Variants in PHACTR2 observed in about 807,000 individuals in gnomAD.
PHACTR2 encodes the protein phosphatase and actin regulator 2.
A neutral mutation model predicts 76.0 loss-of-function variants in PHACTR2; 30 were observed. The ratio of observed to expected loss-of-function variants is 0.39; its 90% CI spans 0.30 to 0.54. The LOEUF is 0.54. PHACTR2 is among the 20% of genes least tolerant of loss of function. The pLI is 0.61. For missense variants in PHACTR2, 696 were observed against 781.1 expected (o/e 0.89, Z 1.30); for synonymous variants, 292 against 292.5 (o/e 1.00, Z 0.02).
rs1196365960 is a variant in PHACTR2, at chr6:143,806,570, G to A, written c.1846-487G>A. Reference sequence around the variant, plus strand: ...TCAAGGATGAGTTTAGCAAAGGCCCGCTCCCACTCCCTCTTGCCAATGGCA... The same window carrying A: ...TCAAGGATGAGTTTAGCAAAGGCCCACTCCCACTCCCTCTTGCCAATGGCA... On this transcript the variant is annotated intron_variant, in intron 11 of 12. Coordinates refer to ENST00000440869, the MANE Select transcript of PHACTR2 (RefSeq NM_001100164.2). This position sits in a 1 kb window ranked among gnomAD's most constrained non-coding sequence, Gnocchi z 5.8. Among the ~76,000 whole-genome samples, 1 of 152,162 alleles carries A rather than the reference G, an allele frequency of 6.6e-6. No individual in the cohort carries two copies. The highest frequency in any genetic ancestry group is 1.5e-5 in the Non-Finnish European group (1 of 68,028).
intron 2 of PHACTR2, among the ~76,000 whole-genome samples, chr6:143,729,017 T>C (rs1778639975): frequency 6.6e-6 from 1 of 152,182 alleles, no homozygotes; most frequent in Non-Finnish European, 1.5e-5. Flanking sequence ...AAAAAGTTTC[T>C]GCTCAGCAAA....
intron 12 of PHACTR2, among the ~76,000 whole-genome samples, chr6:143,812,657 C>T (rs1776203991): frequency 6.6e-6 from 1 of 152,230 alleles, no homozygotes; most frequent in Non-Finnish European, 1.5e-5. Context: ...AAGAAGTCAT[C>T]CCGTGGCCCT....
chr6:143,716,970 A>C (rs1353011769), intron 2 of PHACTR2, among the ~76,000 whole-genome samples: 1 of 152,170 alleles, frequency 6.6e-6, no homozygotes, highest in Admixed American at 6.5e-5. Context: ...ATCAGGAAAC[A>C]TTCCTCAGAT....
rs756134042 is a variant in PHACTR2, at chr6:143,811,244, G to A, written c.1922+4111G>A. ...GAAATTCTCTTTTAATATACACATC[G>A]GTCAATTTCTGGATTGCTTATTATG... is the stretch of plus-strand genomic sequence containing the variant. On this transcript the variant is annotated intron_variant, in intron 12 of 12. Transcript: ENST00000440869. The surrounding 1 kb of genome is among the most constrained non-coding windows in gnomAD (Gnocchi z 4.1). 4.6e-5 allele frequency among the ~76,000 whole-genome samples: 7 copies of A among 151,980 alleles called. No individual in the cohort carries two copies. Among genetic ancestry groups the A allele is most frequent in the African/African-American group, 7.3e-5 (3 of 41,376 alleles).
chr6:143,694,507 A>G (rs1582779660), intron 1 of PHACTR2, among the ~76,000 whole-genome samples: 1 of 152,142 alleles, frequency 6.6e-6, no homozygotes, highest in Admixed American at 6.6e-5. Flanking sequence ...CTGTATTTGG[A>G]GAAATGTTTT....
At position 143,671,252 on chromosome 6, in the gene PHACTR2, C is replaced by T; in HGVS notation, c.14-40764C>T. Among the ~76,000 whole-genome samples the T allele has an allele frequency of 6.6e-6, 1 of 152,076 alleles. No homozygotes were observed. ...GGCCCAAAGTCTTTATAGTTAACTG[C>T]AAGGTCCTATGTGGTTATAATCTCC... On this transcript the variant is annotated intron_variant, in intron 1 of 11. Transcript: ENST00000305766. This position sits in a 1 kb window ranked among gnomAD's most constrained non-coding sequence, Gnocchi z 4.6.
intron 1 of PHACTR2, 78 bp from the exon 2 acceptor site, chr6:143,711,938 C>A: frequency 7.9e-7 from 1 of 1,259,820 alleles, no homozygotes; most frequent in Non-Finnish European, 1.2e-6. Context: ...CCGTTAACAG[C>A]CCAGGGACCA....
chr6:143,741,045 C>G (rs1466515885), intron 2 of PHACTR2, among the ~76,000 whole-genome samples: 1 of 152,194 alleles, frequency 6.6e-6, no homozygotes, highest in Non-Finnish European at 1.5e-5. Context: ...GTCAGGAGTT[C>G]GAGACCAGCC....
chr6:143,646,967 C>G lies in PHACTR2; in HGVS notation c.13+38645C>G, dbSNP rs1416166992. Among the ~76,000 whole-genome samples the G allele has an allele frequency of 1.3e-5, 2 of 152,208 alleles. No individual in the cohort carries two copies. Among genetic ancestry groups the G allele is most frequent in the Admixed American group, 1.3e-4 (2 of 15,276 alleles). Reference sequence around the variant, plus strand: ...TTTCTTAAGTGCCCAGTGAGGTAAGCCTTGCTTCTAAAGAATTTTAAAATG... The same window carrying G: ...TTTCTTAAGTGCCCAGTGAGGTAAGGCTTGCTTCTAAAGAATTTTAAAATG... On this transcript the variant is annotated intron_variant, in intron 1 of 11. Coordinates refer to the PHACTR2 transcript ENST00000305766. The surrounding 1 kb of genome is among the most constrained non-coding windows in gnomAD (Gnocchi z 4.1).
rs528544566 is a variant in PHACTR2, at chr6:143,689,723, C to G, written c.46+11514C>G. ...TTTTTTTTTTTTTGAGATGGAGTGT[C>G]GCTCTGTTGCCCAGGCTGGAGTGCA... On this transcript the variant is annotated intron_variant, in intron 1 of 12. Coordinates refer to ENST00000440869, the MANE Select transcript of PHACTR2 (RefSeq NM_001100164.2). The surrounding 1 kb of genome is among the most constrained non-coding windows in gnomAD (Gnocchi z 4.4). Among the ~76,000 whole-genome samples, 4 of 141,592 alleles carry G rather than the reference C, an allele frequency of 2.8e-5. No individual in the cohort carries two copies. Among genetic ancestry groups the G allele is most frequent in the Admixed American group, 1.4e-4 (2 of 13,834 alleles). The allele number at this position is 141,592 out of a possible 152,430, so 92.9% of individuals were successfully genotyped here. A position where few individuals can be genotyped will look rare whatever the true frequency, so the allele number is the denominator to read the frequency against.
rs1775205816 is a variant in PHACTR2, at chr6:143,558,095, G to T, written c.217+20888G>T. 1 of 151,922 alleles carries T rather than the reference G, an allele frequency of 6.6e-6. No individual in the cohort carries two copies. The highest frequency in any genetic ancestry group is 1.5e-5 in the Non-Finnish European group (1 of 67,996). 9.4% of individuals were successfully genotyped at this position (151,922 alleles called of 1,614,324 possible). On this transcript the variant is annotated intron_variant, in intron 1 of 11. Transcript: ENST00000367584. The surrounding 1 kb of genome is among the most constrained non-coding windows in gnomAD (Gnocchi z 4.7). Reference sequence around the variant, plus strand: ...GGGAGCTTCTTCCTTGTCACCTAAGGTCCCTTATGTCTTCATTTTTGCCCT... The same window carrying T: ...GGGAGCTTCTTCCTTGTCACCTAAGTTCCCTTATGTCTTCATTTTTGCCCT...
At position 143,743,751 on chromosome 6, in the gene PHACTR2, C is replaced by G. The variant is rs1206516452; in HGVS notation, c.215-5234C>G. Among the ~76,000 whole-genome samples, 1 of 152,192 alleles carries G rather than the reference C, an allele frequency of 6.6e-6. No homozygotes were observed. Among genetic ancestry groups the G allele is most frequent in the East Asian group, 1.9e-4 (1 of 5,192 alleles). ...TTTTACAGTGAGGCCATTCAGTACT[C>G]AGAACTGAGAAGATAGCATGGCACG... On this transcript the variant is annotated intron_variant, in intron 2 of 12. Transcript: ENST00000440869. The surrounding 1 kb of genome is among the most constrained non-coding windows in gnomAD (Gnocchi z 5.0).
At position 143,558,928 on chromosome 6, in the gene PHACTR2, T is replaced by A. The variant is rs1775221456; in HGVS notation, c.217+21721T>A. ...ATGTGTATGGCTTAGGCCTCTCCCA[T>A]CCCCACTCCCTGGGAGAAGGGGAGA... On this transcript the variant is annotated intron_variant, in intron 1 of 11. Coordinates refer to the PHACTR2 transcript ENST00000367584. The surrounding 1 kb of genome is among the most constrained non-coding windows in gnomAD (Gnocchi z 4.7). Among the ~76,000 whole-genome samples, 1 of 152,086 alleles carries A rather than the reference T, an allele frequency of 6.6e-6. No individual in the cohort carries two copies. The highest frequency in any genetic ancestry group is 1.5e-5 in the Non-Finnish European group (1 of 68,004).
chr6:143,660,714 C>T (rs1776934258), intron 1 of PHACTR2, among the ~76,000 whole-genome samples: 1 of 152,100 alleles, frequency 6.6e-6, no homozygotes. Flanking sequence ...AAACGCTGCA[C>T]AATAAACTCC....
In PHACTR2 at chr6:143,590,892, A is replaced by G. The variant is rs973207541; in HGVS notation, c.217+53685A>G. Reference sequence around the variant, plus strand: ...TCAGCCCATTCCCTATCCCAATGACAATCTTGCCAGCACATGCTGCGTGTC... The same window carrying G: ...TCAGCCCATTCCCTATCCCAATGACGATCTTGCCAGCACATGCTGCGTGTC... On this transcript the variant is annotated intron_variant, in intron 1 of 11. Coordinates refer to the PHACTR2 transcript ENST00000367584. Among the ~76,000 whole-genome samples, 9 of 152,186 alleles carry G rather than the reference A, an allele frequency of 5.9e-5. No homozygotes were observed. The East Asian group carries it at 1.7e-3, about 29-fold the overall frequency.
rs1435477513 is a variant in PHACTR2, at chr6:143,553,163, T to C, written c.217+15956T>C. ...AAGTATTTACTGAGTCTCTATTATG[T>C]GCCAGTGAGAAAACAAAAATCCAGC... On this transcript the variant is annotated intron_variant, in intron 1 of 11. Transcript: ENST00000367584. This position sits in a 1 kb window ranked among gnomAD's most constrained non-coding sequence, Gnocchi z 4.2. Among the ~76,000 whole-genome samples, 1 of 152,196 alleles carries C rather than the reference T, an allele frequency of 6.6e-6. No individual in the cohort carries two copies.
rs776645280 is a variant in PHACTR2 at position 143,806,309 on chromosome 6, G to A, written c.1846-748G>A. On this transcript the variant is annotated intron_variant, in intron 11 of 12. Transcript: ENST00000440869. This position sits in a 1 kb window ranked among gnomAD's most constrained non-coding sequence, Gnocchi z 5.8. ...TGATATTTTCTTTGGGTAGCTTTAA[G>A]GATTATGCTGAAATTATAAGTTCTA... Among the ~76,000 whole-genome samples the A allele has an allele frequency of 5.9e-5, 9 of 152,114 alleles. No individual in the cohort carries two copies. The highest frequency in any genetic ancestry group is 1.2e-4 in the Non-Finnish European group (8 of 68,010).
chr6:143,644,676 T>A (rs936676987), intron 1 of PHACTR2, among the ~76,000 whole-genome samples: 2 of 151,934 alleles, frequency 1.3e-5, no homozygotes, highest in Non-Finnish European at 2.9e-5. Context: ...CTTACAAATA[T>A]AATTGGCAAC....
chr6:143,562,142 C>G lies in PHACTR2; in HGVS notation c.217+24935C>G, dbSNP rs970240395. On this transcript the variant is annotated intron_variant, in intron 1 of 11. Transcript: ENST00000367584. The surrounding 1 kb of genome is among the most constrained non-coding windows in gnomAD (Gnocchi z 5.1). ...GTGACCTCGTAGCCTTGTCACAGTGCTCTCTGTTGTGTTGGAATAATCTGT... is the reference window on the plus strand; with the variant it reads ...GTGACCTCGTAGCCTTGTCACAGTGGTCTCTGTTGTGTTGGAATAATCTGT... 2 of 152,252 alleles carry G rather than the reference C, an allele frequency of 1.3e-5. No individual in the cohort carries two copies. Among genetic ancestry groups the G allele is most frequent in the African/African-American group, 4.8e-5 (2 of 41,448 alleles). 9.4% of individuals were successfully genotyped at this position (152,252 alleles called of 1,614,324 possible).
Sources: allele counts gnomAD v4.1 joint callset (sites outside exome capture counted in the v4.1 genomes callset), GRCh38; gene constraint gnomAD v4.1.1; non-coding constraint Gnocchi (gnomAD v3.1); transcripts MANE v1.5; gene names NCBI Gene and HGNC (gene_info 2026-07-23, HGNC 2026-07-21).